Variants in RPGRIP1 observed in about 807,000 individuals in gnomAD.
RPGRIP1 encodes the protein X-linked retinitis pigmentosa GTPase regulator-interacting protein 1.
Under a neutral mutation model 157.9 loss-of-function variants are expected in RPGRIP1, and 128 were observed. That is an observed-to-expected ratio of 0.81 (90% CI 0.70 to 0.94). The LOEUF is 0.94. Among genes scored for constraint, RPGRIP1 ranks in the 40% least tolerant of loss-of-function variants. The probability of loss-of-function intolerance (pLI) is 0.00; values close to 1 mark genes in which losing one functional copy is unlikely to be tolerated. For synonymous variants in RPGRIP1, 554 were observed against 571.6 expected (o/e 0.97, Z 0.44); for missense variants, 1,486 against 1,545.8 (o/e 0.96, Z 0.65).
chr14:21,339,862 T>C (rs1419675100), intron 21 of RPGRIP1, among the ~76,000 whole-genome samples: 1 of 152,208 alleles, frequency 6.6e-6, no homozygotes, highest in Non-Finnish European at 1.5e-5. Flanking sequence ...GTCTCTTCTC[T>C]CTTGAATCTT....
chr14:21,308,991 C>G (rs1331466081), intron 7 of RPGRIP1, among the ~76,000 whole-genome samples: 1 of 152,104 alleles, frequency 6.6e-6, no homozygotes, highest in Non-Finnish European at 1.5e-5. Context: ...GGGGAAAGGA[C>G]AGGAAGACAA....
chr14:21,338,080 C>A (rs1341489588), intron 21 of RPGRIP1, among the ~76,000 whole-genome samples: 2 of 152,068 alleles, frequency 1.3e-5, no homozygotes, highest in Admixed American at 1.3e-4. Flanking sequence ...CCATGCCTGG[C>A]TAATTTTTTG....
At chr14:21,310,982 C>T in intron 8 of RPGRIP1, 2 of 511,626 alleles carry the variant, frequency 3.9e-6, no homozygotes, top group South Asian at 2.9e-5. Flanking sequence ...AATATTTGGC[C>T]CTATTCACCA....
intron 1 of RPGRIP1, among the ~76,000 whole-genome samples, chr14:21,283,932 G>A (rs1594367301): frequency 1.3e-5 from 2 of 152,252 alleles, no homozygotes; most frequent in Admixed American, 6.5e-5. Context: ...TGCCTGGCCT[G>A]AGATTTACTT....
In RPGRIP1 at chr14:21,328,550, G is replaced by C. The variant is rs377551155; in HGVS notation, c.3022G>C (p.Gly1008Arg). 18 of 1,613,576 alleles carry C rather than the reference G, an allele frequency of 1.1e-5. No individual in the cohort carries two copies. The African/African-American group carries it at 2.1e-4, about 19-fold the overall frequency. Reference sequence around the variant, plus strand: ...TGTGAGCTACTCAAGAAGAAAACATGGCAAAAGAATAGGTGTTCAAGGAAA... The same window carrying C: ...TGTGAGCTACTCAAGAAGAAAACATCGCAAAAGAATAGGTGTTCAAGGAAA... ...QVVSYSRRKH[G>R]KRIGVQGKNR... The change falls in exon 19 of 25, where the codon GGC becomes CGC. Residue 1008 changes from glycine (G) to arginine (R), a missense_variant. Transcript: ENST00000400017.
At chr14:21,319,256 T>C (rs1882133199) in intron 11 of RPGRIP1, among the ~76,000 whole-genome samples, 1 of 152,024 alleles carries the variant, frequency 6.6e-6, no homozygotes, top group Non-Finnish European at 1.5e-5. Flanking sequence ...CCGATTACCT[T>C]TATTCCCTGA....
In RPGRIP1 at chr14:21,347,970, T is replaced by C. The variant is rs1399956153; in HGVS notation, c.3618-202T>C. ...TTGAACTCATGGGCACATCCCATGA[T>C]GTTCCCTCTTCTAAAAGGACTGTTA... On this transcript the variant is annotated intron_variant, in intron 23 of 24. Coordinates refer to ENST00000400017, the MANE Select transcript of RPGRIP1 (RefSeq NM_020366.4). 3.3e-5 allele frequency among the ~76,000 whole-genome samples: 5 copies of C among 152,298 alleles called. No individual in the cohort carries two copies. In the East Asian group the frequency reaches 7.7e-4, roughly 23 times the overall value.
intron 2 of RPGRIP1, among the ~76,000 whole-genome samples, chr14:21,291,184 A>G (rs1268622571): frequency 6.6e-6 from 1 of 152,034 alleles, no homozygotes; most frequent in Non-Finnish European, 1.5e-5. Context: ...CAATTTTTAA[A>G]TTGGATTATT....
intron 3 of RPGRIP1, among the ~76,000 whole-genome samples, chr14:21,299,035 A>ACAGT (rs1880915212): frequency 8.2e-6 from 1 of 122,132 alleles, no homozygotes; most frequent in East Asian, 3.0e-4. Context: ...TTTTTTTGAG[A>ACAGT]TGGGAGTTTC....
chr14:21,312,125 G>A (rs968775206), intron 9 of RPGRIP1, among the ~76,000 whole-genome samples, 155 bp downstream of exon 9: 2 of 152,138 alleles, frequency 1.3e-5, no homozygotes, highest in African/African-American at 4.8e-5. Context: ...ACCATTAGAG[G>A]GAAAGCTTGG....
At chr14:21,318,773 CTGAAAGTAT>C (rs1882074310) in intron 11 of RPGRIP1, among the ~76,000 whole-genome samples, 1 of 152,124 alleles carries the variant, frequency 6.6e-6, no homozygotes. Flanking sequence ...CTACACCTGG[CTGAAAGTAT>C]TGAAAGTGAA....
chr14:21,320,395 G>A (rs998712185), intron 12 of RPGRIP1, among the ~76,000 whole-genome samples: 16 of 148,480 alleles, frequency 1.1e-4, no homozygotes, highest in African/African-American at 3.5e-4. Context: ...GGTTCACGCC[G>A]TTCTCCTGCC....
In RPGRIP1 at chr14:21,313,288, GC is replaced by G; in HGVS notation, c.1151+784del. 2.7e-5 allele frequency among the ~76,000 whole-genome samples: 4 copies of G among 150,752 alleles called. No individual in the cohort carries two copies. In the Middle Eastern group the frequency reaches 0.014, roughly 513 times the overall value. ...AGGCAGAGGTGGGAGGATAACTTGCGCCTAGAAGTTCGAGACCTGTCTGGGC... is the reference window on the plus strand; with the variant it reads ...AGGCAGAGGTGGGAGGATAACTTGCGCTAGAAGTTCGAGACCTGTCTGGGC... On this transcript the variant is annotated intron_variant, in intron 10 of 24. Transcript: ENST00000400017.
chr14:21,302,865 G>GTTT (rs59447072), intron 5 of RPGRIP1: 3,486 of 88,224 alleles, frequency 0.04, 44 homozygotes, highest in East Asian at 0.054. Flanking sequence ...CCTTTGTTGT[G>GTTT]TTTTTTTTTT....
chr14:21,323,269 A>T (rs1323366615), intron 14 of RPGRIP1, among the ~76,000 whole-genome samples: 1 of 151,996 alleles, frequency 6.6e-6, no homozygotes, highest in Non-Finnish European at 1.5e-5. Context: ...TAAAAATAGA[A>T]CAATTAGCTG....
chr14:21,297,878 T>TTTCTTTCTTTCTTTCTTTCTTTCTTTC (rs766657319), intron 3 of RPGRIP1, among the ~76,000 whole-genome samples: 1 of 150,850 alleles, frequency 6.6e-6, no homozygotes, highest in Non-Finnish European at 1.5e-5. Flanking sequence ...TCTTTCTTTC[T>TTTCTTTCTTTCTTTCTTTCTTTCTTTC]TTTTTTTGAG....
intron 3 of RPGRIP1, among the ~76,000 whole-genome samples, chr14:21,299,775 ACG>A (rs1350568171): frequency 6.6e-6 from 1 of 152,160 alleles, no homozygotes; most frequent in Non-Finnish European, 1.5e-5. Flanking sequence ...ACAAAATACC[ACG>A]GACTGGGTGG....
At chr14:21,318,464 TCTTTTGTTTG>T (rs1882021899) in intron 11 of RPGRIP1, among the ~76,000 whole-genome samples, 1 of 148,858 alleles carries the variant, frequency 6.7e-6, no homozygotes, top group African/African-American at 2.5e-5. Context: ...TTGAAAGTTT[TCTTTTGTTTG>T]GTTTGGTTTG....
At chr14:21,307,675 A>G (rs1881373885) in intron 6 of RPGRIP1, 56 bp from the exon 7 acceptor site, 1 of 1,155,108 alleles carries the variant, frequency 8.7e-7, no homozygotes, top group African/African-American at 1.5e-5. Flanking sequence ...TCAAGGAGAA[A>G]ATGTCTTTAA....
Sources: gnomAD v4.1 joint callset for allele counts (sites outside exome capture counted in the v4.1 genomes callset) on GRCh38, gnomAD v4.1.1 for gene constraint, MANE v1.5 for transcripts, NCBI Gene and HGNC (gene_info 2026-07-23, HGNC 2026-07-21) for gene names.